The following CLPTM1 variants were observed in gnomAD, a reference collection of about 807,000 sequenced individuals.
The protein encoded by CLPTM1 is putative lipid scramblase CLPTM1.
In CLPTM1, 21 loss-of-function variants were observed where a neutral mutation model predicts 77.3. The ratio of observed to expected loss-of-function variants is 0.27; its 90% CI spans 0.19 to 0.39. The LOEUF (loss-of-function observed/expected upper bound fraction) is 0.39, where lower values mean the gene tolerates loss of function less well. CLPTM1 is among the 10% of genes least tolerant of loss of function. CLPTM1 has a pLI of 1.00. For synonymous variants in CLPTM1, 373 were observed against 381.0 expected, an observed-to-expected ratio of 0.98 and a Z score of 0.24; for missense variants, 642 against 921.2, an observed-to-expected ratio of 0.70 and a Z score of 3.92.
intron 2 of CLPTM1, among the ~76,000 whole-genome samples, chr19:44,963,820 G>T (rs1352907455): frequency 1.3e-5 from 2 of 151,916 alleles, no homozygotes; most frequent in Non-Finnish European, 2.9e-5. Context: ...GTTTCTCCAT[G>T]TTGGTCAGGC....
intron 1 of CLPTM1, 100 bp from the exon 2 acceptor site, chr19:44,961,863 C>T: frequency 1.5e-6 from 1 of 659,274 alleles, no homozygotes; most frequent in Non-Finnish European, 2.5e-6. Flanking sequence ...GATAAGCACC[C>T]ACTCTTTGCC....
At chr19:44,986,399 A>G (rs1216616035) in intron 6 of CLPTM1, 56 bp from the exon 7 acceptor site, 2 of 1,596,254 alleles carry the variant, frequency 1.3e-6, no homozygotes, top group African/African-American at 1.4e-5. Context: ...ACAGAGAGTG[A>G]TAGTCCCCGA....
In CLPTM1 at chr19:44,990,716, T is replaced by C; in HGVS notation, c.1323+131T>C. The C allele has an allele frequency of 7.5e-7, 1 of 1,339,204 alleles. No individual in the cohort carries two copies. The highest frequency in any genetic ancestry group is 1.0e-6 in the Non-Finnish European group (1 of 952,616). 83.0% of individuals were successfully genotyped at this position (1,339,204 alleles called of 1,614,324 possible). Reference sequence around the variant, plus strand: ...CCTCACTCCCAGGACTGAGGGGATTTTCTCACCAGGGGATTTTTTGGGTCA... The same window carrying C: ...CCTCACTCCCAGGACTGAGGGGATTCTCTCACCAGGGGATTTTTTGGGTCA... On this transcript the variant is annotated intron_variant, in intron 10 of 13. Transcript: ENST00000337392. This position sits in a 1 kb window ranked among gnomAD's most constrained non-coding sequence, Gnocchi z 4.8.
At chr19:44,960,901 G>C (rs1970533828) in intron 1 of CLPTM1, among the ~76,000 whole-genome samples, 1 of 152,178 alleles carries the variant, frequency 6.6e-6, no homozygotes, top group Admixed American at 6.5e-5. Flanking sequence ...TGAGGGGACA[G>C]CTGGGAGGAG....
Position 44,991,403 on chromosome 19 carries a change from C to G in CLPTM1, c.1555+30C>G. 3 of 1,604,244 alleles carry G rather than the reference C, an allele frequency of 1.9e-6. No individual in the cohort carries two copies. Among genetic ancestry groups the G allele is most frequent in the Non-Finnish European group, 2.5e-6 (3 of 1,178,490 alleles). The stretch of plus-strand genomic sequence containing the variant: ...GCGGTCCGGCCGCCCCAGGAGAGAG[C>G]AGGCCCCATGCTGCGCAGGGCTCAC... On this transcript the variant is annotated intron_variant, in intron 12 of 13. Coordinates refer to ENST00000337392, the MANE Select transcript of CLPTM1 (RefSeq NM_001294.4). This position sits in a 1 kb window ranked among gnomAD's most constrained non-coding sequence, Gnocchi z 5.4.
chr19:44,969,840 A>G (rs2142074), intron 2 of CLPTM1, among the ~76,000 whole-genome samples: 42,372 of 151,542 alleles, frequency 0.28, 6,208 homozygotes, highest in East Asian at 0.47. Context: ...GGCGCCCGCC[A>G]CCACGCCCGG....
At position 44,990,349 on chromosome 19, in the gene CLPTM1, C is replaced by T. The variant is rs770621922; in HGVS notation, c.1133-46C>T. The T allele has an allele frequency of 5.0e-6, 8 of 1,594,864 alleles. No homozygotes were observed. Among genetic ancestry groups the T allele is most frequent in the Non-Finnish European group, 6.9e-6 (8 of 1,166,824 alleles). ...GCCTGAGGGAGCTGCAGTAGGGTCT[C>T]AGCACCTCCTCAGCCTCCTGGTTCC... On this transcript the variant is annotated intron_variant, in intron 9 of 13. Transcript: ENST00000337392. The surrounding 1 kb of genome is among the most constrained non-coding windows in gnomAD (Gnocchi z 4.8).
At chr19:44,976,058 T>C (rs1970801579) in intron 4 of CLPTM1, among the ~76,000 whole-genome samples, 1 of 152,014 alleles carries the variant, frequency 6.6e-6, no homozygotes, top group Admixed American at 6.6e-5. Context: ...TCTCAACATG[T>C]TTCCCAGGCT....
At chr19:44,983,617 C>CAAAAAAA (rs35582067) in intron 5 of CLPTM1, among the ~76,000 whole-genome samples, 33 of 39,786 alleles carry the variant, frequency 8.3e-4, no homozygotes, top group African/African-American at 2.1e-3. Flanking sequence ...GACTCTGTCT[C>CAAAAAAA]AAAAAAAAAA....
chr19:44,955,602 A>G (rs1970450372), intron 1 of CLPTM1, 135 bp downstream of exon 1: 2 of 762,120 alleles, frequency 2.6e-6, no homozygotes, highest in Non-Finnish European at 3.4e-6. Flanking sequence ...TACCCGGCCC[A>G]GGCAGGGCCG....
intron 5 of CLPTM1, among the ~76,000 whole-genome samples, chr19:44,982,963 A>G (rs542086806): frequency 6.6e-6 from 1 of 151,970 alleles, no homozygotes; most frequent in Non-Finnish European, 1.5e-5. Context: ...CGGGAGGCTG[A>G]GGCAGGAGAA....
rs746787209 is a variant in CLPTM1, at chr19:44,962,024, C to T, written c.134C>T (p.Pro45Leu). Residue 45 changes from proline to leucine, a missense_variant, in exon 2 of 14, where the codon CCG becomes CTG. Transcript: ENST00000337392. Reference protein sequence around the residue: ...PPAETQPQNPPAQPAPNAWQV... With the variant: ...PPAETQPQNPLAQPAPNAWQV... Reference sequence around the variant, plus strand: ...GCGGAGACCCAGCCTCAGAACCCACCGGCCCAGCCGGCACCCAATGCCTGG... The same window carrying T: ...GCGGAGACCCAGCCTCAGAACCCACTGGCCCAGCCGGCACCCAATGCCTGG... 1.8e-5 allele frequency: 29 copies of T among 1,611,202 alleles called. No individual in the cohort carries two copies. Among genetic ancestry groups the T allele is most frequent in the Middle Eastern group, 1.6e-4 (1 of 6,074 alleles).
chr19:44,973,268 G>T, intron 3 of CLPTM1, 58 bp downstream of exon 3: 1 of 1,610,484 alleles, frequency 6.2e-7, no homozygotes, highest in Non-Finnish European at 8.5e-7. Context: ...GGGGTGGAAT[G>T]TGGAGGAGTG....
chr19:44,971,241 G>A lies in CLPTM1; in HGVS notation c.186-1846G>A, dbSNP rs1970713103. ...GCTGTCTATTTATATATATTCATATGTAAACTTGATAAAAATTACATGCAT... is the reference window on the plus strand; with the variant it reads ...GCTGTCTATTTATATATATTCATATATAAACTTGATAAAAATTACATGCAT... On this transcript the variant is annotated intron_variant, in intron 2 of 13. Transcript: ENST00000337392. Among the ~76,000 whole-genome samples, 3 of 151,744 alleles carry A rather than the reference G, an allele frequency of 2.0e-5. No individual in the cohort carries two copies. The South Asian group carries it at 6.3e-4, about 32-fold the overall frequency.
intron 2 of CLPTM1, among the ~76,000 whole-genome samples, chr19:44,969,622 TC>T (rs1309367658): frequency 6.6e-6 from 1 of 151,580 alleles, no homozygotes; most frequent in Admixed American, 6.6e-5. Context: ...AGCCATCACA[TC>T]CACACTCCAG....
chr19:44,955,532 T>C, intron 1 of CLPTM1, 65 bp downstream of exon 1: 1 of 1,227,356 alleles, frequency 8.1e-7, no homozygotes, highest in South Asian at 3.6e-5. Context: ...ACGGGGCGTG[T>C]CCTACCTCTT....
At chr19:44,955,679 C>T (rs1970452117) in intron 1 of CLPTM1, 2 of 415,856 alleles carry the variant, frequency 4.8e-6, no homozygotes, top group East Asian at 3.6e-5. Context: ...CCTGCACGCT[C>T]GAGCCGGGCG....
chr19:44,984,769 C>G (rs1488635313), intron 5 of CLPTM1, among the ~76,000 whole-genome samples: 1 of 152,204 alleles, frequency 6.6e-6, no homozygotes, highest in South Asian at 2.1e-4. Context: ...TTCCTGTAAC[C>G]TCCACCTCCC....
intron 5 of CLPTM1, among the ~76,000 whole-genome samples, chr19:44,979,868 G>A (rs772881774): frequency 2.6e-4 from 40 of 152,138 alleles, no homozygotes; most frequent in African/African-American, 8.2e-4. Flanking sequence ...TAAAATGCCC[G>A]ATGTTTCAGA....
Sources: allele counts gnomAD v4.1 joint callset (sites outside exome capture counted in the v4.1 genomes callset), GRCh38; gene constraint gnomAD v4.1.1; non-coding constraint Gnocchi (gnomAD v3.1); transcripts MANE v1.5; gene names NCBI Gene and HGNC (gene_info 2026-07-23, HGNC 2026-07-21).